ZMAT4: variants seen among roughly 807,000 people sequenced by gnomAD.
The protein encoded by ZMAT4 is zinc finger matrin-type protein 4.
A neutral mutation model predicts 28.7 loss-of-function variants in ZMAT4; 17 were observed. That is an observed-to-expected ratio of 0.59 (90% CI 0.41 to 0.89). The LOEUF (loss-of-function observed/expected upper bound fraction) is 0.89, where lower values mean the gene tolerates loss of function less well. Ranked by LOEUF, ZMAT4 falls within the 40% of genes least tolerant of loss-of-function variation. The pLI is 0.00. For missense variants in ZMAT4, 240 were observed against 283.8 expected (o/e 0.85, Z 1.11); for synonymous variants, 117 against 109.2 (o/e 1.07, Z -0.44).
rs533035397 is a variant in ZMAT4, at chr8:40,829,361, A to G, written c.-4-3681T>C. Among the ~76,000 whole-genome samples, 17 of 152,308 alleles carry G rather than the reference A, an allele frequency of 1.1e-4. No homozygotes were observed. In the East Asian group the frequency reaches 2.3e-3, roughly 21 times the overall value. ...CTCACAGAGGTTGGCACTATCTGCA[A>G]TGGAGGTAAGAGGCCTCCACCCGAT... On this transcript the variant is annotated intron_variant, in intron 1 of 6. Coordinates refer to ENST00000297737, the MANE Select transcript of ZMAT4 (RefSeq NM_024645.3).
At chr8:40,560,767 T>A (rs561672711) in intron 6 of ZMAT4, among the ~76,000 whole-genome samples, 1 of 152,134 alleles carries the variant, frequency 6.6e-6, no homozygotes, top group East Asian at 1.9e-4. Flanking sequence ...AAGTTTTACC[T>A]AGAAATGCCC....
intron 3 of ZMAT4, among the ~76,000 whole-genome samples, chr8:40,733,139 C>T (rs1234578093): frequency 6.6e-6 from 1 of 152,000 alleles, no homozygotes; most frequent in African/African-American, 2.4e-5. Flanking sequence ...TTTGGCTGAC[C>T]TCCATACTTT....
At chr8:40,649,189 G>A (rs1253084137) in intron 5 of ZMAT4, among the ~76,000 whole-genome samples, 1 of 152,092 alleles carries the variant, frequency 6.6e-6, no homozygotes, top group African/African-American at 2.4e-5. Flanking sequence ...CAACTCACGT[G>A]CAGAGACACA....
intron 5 of ZMAT4, among the ~76,000 whole-genome samples, chr8:40,594,909 T>C (rs1805037236): frequency 6.6e-6 from 1 of 152,226 alleles, no homozygotes; most frequent in Non-Finnish European, 1.5e-5. Flanking sequence ...GTCTTCGTTC[T>C]TAAACATTTT....
chr8:40,653,961 C>T (rs770452224), intron 5 of ZMAT4, among the ~76,000 whole-genome samples: 32 of 152,154 alleles, frequency 2.1e-4, no homozygotes, highest in Non-Finnish European at 3.7e-4. Flanking sequence ...ATGTTGGCCC[C>T]GGGTTGGTTC....
chr8:40,591,168 A>G (rs1804881205), intron 5 of ZMAT4, among the ~76,000 whole-genome samples: 3 of 152,192 alleles, frequency 2.0e-5, no homozygotes, highest in African/African-American at 7.2e-5. Flanking sequence ...CCAGGGAGTC[A>G]TTAACACTTA....
intron 3 of ZMAT4, among the ~76,000 whole-genome samples, chr8:40,718,971 T>A (rs771372090): frequency 6.6e-6 from 1 of 152,100 alleles, no homozygotes; most frequent in Non-Finnish European, 1.5e-5. Flanking sequence ...TCCTTAGAAA[T>A]GAGAGGAAAC....
At chr8:40,668,582 G>C (rs1808540811) in intron 5 of ZMAT4, among the ~76,000 whole-genome samples, 2 of 151,890 alleles carry the variant, frequency 1.3e-5, no homozygotes, top group South Asian at 4.2e-4. Flanking sequence ...ATGCCACTAA[G>C]GACACTTATT....
intron 5 of ZMAT4, among the ~76,000 whole-genome samples, chr8:40,669,798 CT>C (rs1004181233): frequency 8.6e-5 from 13 of 152,046 alleles, no homozygotes; most frequent in Non-Finnish European, 1.3e-4. Flanking sequence ...GTTGGTGCCC[CT>C]GATCCTTGTG....
chr8:40,634,127 C>A (rs1015151877), intron 5 of ZMAT4, among the ~76,000 whole-genome samples: 2 of 152,058 alleles, frequency 1.3e-5, no homozygotes, highest in Non-Finnish European at 2.9e-5. Context: ...GGGGCAAAAA[C>A]ATTATCTTAA....
At chr8:40,601,852 G>T (rs956478125) in intron 5 of ZMAT4, among the ~76,000 whole-genome samples, 2 of 152,176 alleles carry the variant, frequency 1.3e-5, no homozygotes, top group African/African-American at 4.8e-5. Context: ...ACAGGCAACA[G>T]ATGTTTTTGT....
At chr8:40,647,052 TGA>T (rs559712172) in intron 5 of ZMAT4, among the ~76,000 whole-genome samples, 75 of 152,184 alleles carry the variant, frequency 4.9e-4, no homozygotes, top group African/African-American at 1.7e-3. Context: ...AAAAGAAATT[TGA>T]GAGTCTGGGG....
chr8:40,877,064 C>T (rs2150659591), intron 1 of ZMAT4, among the ~76,000 whole-genome samples: 1 of 152,296 alleles, frequency 6.6e-6, no homozygotes, highest in East Asian at 1.9e-4. Context: ...TTAGGGTGGG[C>T]TGTAATCTAA....
intron 3 of ZMAT4, among the ~76,000 whole-genome samples, chr8:40,711,049 A>C (rs187706827): frequency 2.6e-5 from 4 of 152,226 alleles, no homozygotes; most frequent in African/African-American, 7.2e-5. Context: ...CTCCCAAAGT[A>C]CTGGGATTAC....
chr8:40,816,539 G>A (rs1363092494), intron 2 of ZMAT4, among the ~76,000 whole-genome samples: 2 of 152,090 alleles, frequency 1.3e-5, no homozygotes, highest in Non-Finnish European at 2.9e-5. Flanking sequence ...TAGTAAATGG[G>A]GATGGTTAGG....
Position 40,542,376 on chromosome 8 carries a change from T to TTTTA in ZMAT4, c.675-10142_675-10139dup, listed in dbSNP as rs537222877. Among the ~76,000 whole-genome samples, 957 of 152,016 alleles carry TTTTA rather than the reference T, an allele frequency of 6.3e-3. 6 individuals carry two copies. Among genetic ancestry groups the TTTTA allele is most frequent in the Middle Eastern group, 0.02 (6 of 294 alleles). ...TCATCCGATTTTTAATTTAATTTTG[T>TTTTA]TTTATTTATTTATTTATTTATTTAT... On this transcript the variant is annotated intron_variant, in intron 6 of 6. Coordinates refer to ENST00000297737, the MANE Select transcript of ZMAT4 (RefSeq NM_024645.3).
At chr8:40,779,339 G>T (rs2150570596) in intron 2 of ZMAT4, among the ~76,000 whole-genome samples, 1 of 152,040 alleles carries the variant, frequency 6.6e-6, no homozygotes, top group African/African-American at 2.4e-5. Flanking sequence ...TATCAGCAGG[G>T]TGAAAACTGA....
At chr8:40,541,857 G>C (rs539390260) in intron 6 of ZMAT4, among the ~76,000 whole-genome samples, 25 of 152,328 alleles carry the variant, frequency 1.6e-4, no homozygotes, top group African/African-American at 5.5e-4. Flanking sequence ...CTCCCCTTTA[G>C]CTCATGAGCA....
At chr8:40,639,089 C>T (rs1806906533) in intron 5 of ZMAT4, among the ~76,000 whole-genome samples, 2 of 152,312 alleles carry the variant, frequency 1.3e-5, no homozygotes, top group Admixed American at 1.3e-4. Context: ...GACTCTGCTG[C>T]TTCTTGGGCT....
Sources: gnomAD v4.1 joint callset for allele counts (sites outside exome capture counted in the v4.1 genomes callset) on GRCh38, gnomAD v4.1.1 for gene constraint, MANE v1.5 for transcripts, NCBI Gene and HGNC (gene_info 2026-07-23, HGNC 2026-07-21) for gene names.